TBX10: variants seen among roughly 807,000 people sequenced by gnomAD.
TBX10 encodes T-box transcription factor TBX10.
Under a neutral mutation model 32.4 loss-of-function variants are expected in TBX10, and 26 were observed. That is an observed-to-expected ratio of 0.80 (90% CI 0.59 to 1.11). The LOEUF is 1.11. Among genes scored for constraint, TBX10 ranks in the 50% most tolerant of loss-of-function variants. TBX10 has a pLI of 0.00. For missense variants in TBX10, 490 were observed against 494.5 expected, an observed-to-expected ratio of 0.99 and a Z score of 0.09; for synonymous variants, 195 against 203.1, an observed-to-expected ratio of 0.96 and a Z score of 0.34.
chr11:67,638,028 C>A (rs1419128325), intron 1 of TBX10, among the ~76,000 whole-genome samples: 1 of 152,018 alleles, frequency 6.6e-6, no homozygotes, highest in Non-Finnish European at 1.5e-5. Flanking sequence ...GCCATCACGG[C>A]AAACCCTATC....
intron 1 of TBX10, 73 bp downstream of exon 1, chr11:67,639,393 T>TTGCCCCCCCCCCCCCCC: frequency 2.8e-6 from 2 of 726,918 alleles, no homozygotes; most frequent in Non-Finnish European, 5.0e-6. Context: ...CTGTCTTGGT[T>TTGCCCCCCCCCCCCCCC]CCCACCCTGC....
intron 5 of TBX10, 90 bp downstream of exon 5, chr11:67,632,858 C>T (rs1177908061): frequency 6.2e-7 from 1 of 1,604,548 alleles, no homozygotes; most frequent in Non-Finnish European, 8.5e-7. Flanking sequence ...GGGCAGTAGT[C>T]TGTGCCAGTG....
rs1039836386 is a variant in TBX10 at position 67,635,740 on chromosome 11, C to T, written c.8-477G>A. Among the ~76,000 whole-genome samples the T allele has an allele frequency of 1.5e-4, 23 of 152,192 alleles. No homozygotes were observed. In the East Asian group the frequency reaches 3.7e-3, roughly 24 times the overall value. ...CCCAGCTCTGTGGGACCCTGCCTCC[C>T]GGTGCTGCTGAAGGAGAGCTGAGCC... On this transcript the variant is annotated intron_variant, in intron 1 of 7. Coordinates refer to ENST00000335385, the MANE Select transcript of TBX10 (RefSeq NM_005995.5).
At position 67,631,489 on chromosome 11, in the gene TBX10, C is replaced by T. The variant is rs1855229558; in HGVS notation, c.*116G>A. The T allele has an allele frequency of 7.3e-7, 1 of 1,378,616 alleles. No homozygotes were observed. The highest frequency in any genetic ancestry group is 9.9e-7 in the Non-Finnish European group (1 of 1,009,230). 85.4% of individuals were successfully genotyped at this position (1,378,616 alleles called of 1,614,324 possible). A position where few individuals can be genotyped will look rare whatever the true frequency, so the allele number is the denominator to read the frequency against. ...CAGGTAGCCTCTTTCTCTAGACTTT[C>T]ACCTACCCTGCTCTCCTTGAGACAG... On this transcript the variant is annotated 3_prime_UTR_variant, in exon 8 of 8. Coordinates refer to ENST00000335385, the MANE Select transcript of TBX10 (RefSeq NM_005995.5).
rs770622855 is a variant in TBX10, at chr11:67,634,177, C to G, written c.549+12G>C. The G allele has an allele frequency of 3.7e-6, 6 of 1,611,918 alleles. No homozygotes were observed. Among genetic ancestry groups the G allele is most frequent in the Non-Finnish European group, 4.2e-6 (5 of 1,179,934 alleles). Reference sequence around the variant, plus strand: ...CCAGGCCCTTCCGTCCCCACCGTGGCCCCGGCCTCACGTGGCCATTGTCAT... The same window carrying G: ...CCAGGCCCTTCCGTCCCCACCGTGGGCCCGGCCTCACGTGGCCATTGTCAT... On this transcript the variant is annotated intron_variant, in intron 4 of 7. Transcript: ENST00000335385.
Position 67,632,624 on chromosome 11 carries a change from C to T in TBX10, c.752G>A (p.Arg251Lys), listed in dbSNP as rs757906992. 4 of 1,613,950 alleles carry T rather than the reference C, an allele frequency of 2.5e-6. No homozygotes were observed. Among genetic ancestry groups the T allele is most frequent in the Non-Finnish European group, 2.5e-6 (3 of 1,180,030 alleles). The change falls in exon 6 of 8, where the codon AGA becomes AAA. Residue 251 changes from arginine to lysine, a missense_variant. Arg to Lys is a conservative substitution (Grantham distance 26, BLOSUM62 2). This residue lies in a region of TBX10 where 177 missense variants were observed against 176.6 expected (regional missense o/e 1.00). Coordinates refer to ENST00000335385, the MANE Select transcript of TBX10 (RefSeq NM_005995.5). ...GTACCAGGAGTCCAGGTCACTCTCT[C>T]TAAAGCCTTTGGCAAAAGGGTTGCT... The part of the protein sequence containing the change: ...IASNPFAKGF[R>K]ESDLDSWPVA...
chr11:67,636,073 CTTTTTTT>C (rs60139069), intron 1 of TBX10, among the ~76,000 whole-genome samples: 2 of 98,020 alleles, frequency 2.0e-5, no homozygotes, highest in Admixed American at 1.2e-4. Flanking sequence ...ATTAGAACTC[CTTTTTTT>C]TTTTTTTTTT....
At chr11:67,633,222 A>G (rs1855266355) in intron 4 of TBX10, 119 bp from the exon 5 acceptor site, 6 of 1,281,674 alleles carry the variant, frequency 4.7e-6, no homozygotes, top group Admixed American at 2.0e-5. Flanking sequence ...TGTTCCTTTC[A>G]TGGCAGCACA....
rs1855308363 is a variant in TBX10 at position 67,635,213 on chromosome 11, G to A, written c.58C>T (p.Leu20=). 1 of 1,613,714 alleles carries A rather than the reference G, an allele frequency of 6.2e-7. No individual in the cohort carries two copies. The highest frequency in any genetic ancestry group is 1.3e-5 in the African/African-American group (1 of 74,940). ...GILAPSETYP[L]PTTSSGWEPR... is the part of the protein sequence containing the mutation. Reference sequence around the variant, plus strand: ...TCCCAGCCAGAGCTGGTTGTAGGTAGGGGGTAGGTCTCTGAGGGTGCAAGT... The same window carrying A: ...TCCCAGCCAGAGCTGGTTGTAGGTAAGGGGTAGGTCTCTGAGGGTGCAAGT... Residue 20 remains leucine, a synonymous_variant, in exon 2 of 8, where the codon CTA becomes TTA. Coordinates refer to ENST00000335385, the MANE Select transcript of TBX10 (RefSeq NM_005995.5).
chr11:67,633,226 C>T, intron 4 of TBX10, 123 bp from the exon 5 acceptor site: 2 of 1,252,988 alleles, frequency 1.6e-6, no homozygotes, highest in Non-Finnish European at 2.2e-6. Context: ...CCTTTCATGG[C>T]AGCACAGGGT....
upstream of TBX10, among the ~76,000 whole-genome samples, chr11:67,640,118 A>C (rs1391359400): frequency 1.3e-5 from 2 of 151,888 alleles, no homozygotes; most frequent in African/African-American, 4.8e-5. Flanking sequence ...GCAGATGCGC[A>C]ATTGTCAGGA....
upstream of TBX10, among the ~76,000 whole-genome samples, chr11:67,641,557 C>G (rs1855406511): frequency 6.6e-6 from 1 of 152,238 alleles, no homozygotes; most frequent in Non-Finnish European, 1.5e-5. Flanking sequence ...ATCCTTCACA[C>G]CTTCTCATAT....
chr11:67,631,930 T>A, intron 7 of TBX10, 36 bp from the exon 8 acceptor site: 1 of 1,554,250 alleles, frequency 6.4e-7, no homozygotes, highest in African/African-American at 1.4e-5. Flanking sequence ...GGGCCTCCCA[T>A]CGCATCCTCA....
At chr11:67,635,986 A>G (rs1591125343) in intron 1 of TBX10, among the ~76,000 whole-genome samples, 2 of 151,980 alleles carry the variant, frequency 1.3e-5, no homozygotes, top group African/African-American at 2.4e-5. Context: ...ATAAGATACC[A>G]TTTTATACCC....
At position 67,635,145 on chromosome 11, in the gene TBX10, G is replaced by A. The variant is rs780031766; in HGVS notation, c.126C>T (p.Ser42=). The change falls in exon 2 of 8, where the codon AGC becomes AGT. Residue 42 remains serine, a synonymous_variant. Coordinates refer to ENST00000335385, the MANE Select transcript of TBX10 (RefSeq NM_005995.5). ...CGGCCACAGCTTGGGCCCCAGTAGA[G>A]CTGGTGCAAGGGCCTGATGGGAATG... The part of the protein sequence containing the change: ...GSPFPSGPCT[S]STGAQAVAEP... 5.6e-6 allele frequency: 9 copies of A among 1,613,722 alleles called. No individual in the cohort carries two copies. The Admixed American group carries it at 1.2e-4, about 21-fold the overall frequency.
At position 67,631,590 on chromosome 11, in the gene TBX10, C is replaced by T. The variant is rs1316741955; in HGVS notation, c.*15G>A. ...AGGTCCAGGGTAGCAGGGCTTCCCC[C>T]CAGGGCTTCTGGCATCACTGGGAGT... On this transcript the variant is annotated 3_prime_UTR_variant, in exon 8 of 8. Transcript: ENST00000335385. 2.5e-6 allele frequency: 4 copies of T among 1,586,142 alleles called. No individual in the cohort carries two copies. Among genetic ancestry groups the T allele is most frequent in the Non-Finnish European group, 3.4e-6 (4 of 1,172,316 alleles).
chr11:67,640,726 G>C (rs12421572), upstream of TBX10, among the ~76,000 whole-genome samples: 6,540 of 152,292 alleles, frequency 0.043, 491 homozygotes, highest in Admixed American at 0.21. Flanking sequence ...CCAGAATCCT[G>C]TCTTGGGGAT....
At chr11:67,639,413 CTGGA>C in intron 1 of TBX10, 49 bp downstream of exon 1, 4 of 1,593,702 alleles carry the variant, frequency 2.5e-6, no homozygotes, top group Non-Finnish European at 3.4e-6. Context: ...CCCACCCACC[CTGGA>C]ACCTGAGCCT....
At chr11:67,641,281 CCA>C (rs1175005326), upstream of TBX10, among the ~76,000 whole-genome samples, 3 of 151,766 alleles carry the variant, frequency 2.0e-5, no homozygotes, top group East Asian at 1.9e-4. Context: ...AACCCCCCTC[CCA>C]CACACACACA....
Sources: gnomAD v4.1 joint callset for allele counts (sites outside exome capture counted in the v4.1 genomes callset) on GRCh38, gnomAD v4.1.1 for gene constraint, gnomAD v4.1.1 regional missense constraint, MANE v1.5 for transcripts, NCBI Gene and HGNC (gene_info 2026-07-23, HGNC 2026-07-21) for gene names.